ZNRF4: variants seen among roughly 807,000 people sequenced by gnomAD.
ZNRF4 encodes the protein E3 ubiquitin-protein ligase ZNRF4.
For synonymous variants in ZNRF4, 291 were observed against 285.9 expected (o/e 1.02, Z -0.18); for missense variants, 569 against 609.4 (o/e 0.93, Z 0.70).
Position 5,456,821 on chromosome 19 carries a change from C to A in ZNRF4, c.*40C>A. 1 of 1,488,178 alleles carries A rather than the reference C, an allele frequency of 6.7e-7. No homozygotes were observed. 92.2% of individuals were successfully genotyped at this position (1,488,178 alleles called of 1,614,324 possible). A position where few individuals can be genotyped will look rare whatever the true frequency, so the allele number is the denominator to read the frequency against. On this transcript the variant is annotated 3_prime_UTR_variant, in exon 1 of 1. Transcript: ENST00000222033. ...GAGGGGGGTGCAATGAGGAATGTTTCTGGTCTGAAAAGAATAAAGTGGGTT... is the reference window on the plus strand; with the variant it reads ...GAGGGGGGTGCAATGAGGAATGTTTATGGTCTGAAAAGAATAAAGTGGGTT...
In ZNRF4 at chr19:5,456,023, G is replaced by T. The variant is rs536172219; in HGVS notation, c.532G>T (p.Ala178Ser). ...CCTCAAGGTGCTGAACGCCCAGCGC[G>T]CCGGCTTCGAGGCGGCCATCGTGCA... is the stretch of plus-strand genomic sequence containing the variant. Reference protein sequence around the residue: ...FDLKVLNAQRAGFEAAIVHNV... With the variant: ...FDLKVLNAQRSGFEAAIVHNV... Residue 178 changes from alanine (A) to serine (S), a missense_variant, in exon 1 of 1, where the codon GCC becomes TCC. Coordinates refer to ENST00000222033, the MANE Select transcript of ZNRF4 (RefSeq NM_181710.4). 6.2e-7 allele frequency: 1 copy of T among 1,601,474 alleles called. No homozygotes were observed. Among genetic ancestry groups the T allele is most frequent in the Non-Finnish European group, 8.5e-7 (1 of 1,179,798 alleles).
At position 5,455,882 on chromosome 19, in the gene ZNRF4, G is replaced by A. The variant is rs1189817768; in HGVS notation, c.391G>A (p.Gly131Ser). 1.9e-6 allele frequency: 3 copies of A among 1,603,280 alleles called. No individual in the cohort carries two copies. Among genetic ancestry groups the A allele is most frequent in the Middle Eastern group, 1.7e-4 (1 of 6,060 alleles). ...GVPLAPEGIR[G>S]YLMEVKPANA... ...CCCCCTGGCCCCCGAGGGCATACGG[G>A]GCTACCTGATGGAGGTCAAGCCAGC... The change falls in exon 1 of 1, where the codon GGC becomes AGC. Residue 131 changes from glycine (G) to serine (S), a missense_variant. Physicochemically the swap from Gly to Ser is moderately conservative, Grantham distance 56. Transcript: ENST00000222033.
At position 5,455,814 on chromosome 19, in the gene ZNRF4, C is replaced by G; in HGVS notation, c.323C>G (p.Ser108Trp). ...AVVRAVLEDN[S>W]SSVDFADLPA... ...GTACGGGCCGTGCTGGAAGACAACT[C>G]GAGCTCGGTGGACTTTGCGGATCTG... The change falls in exon 1 of 1, where the codon TCG (serine) becomes TGG (tryptophan). Residue 108 changes from serine (S) to tryptophan (W), a missense_variant. Transcript: ENST00000222033. 6.2e-7 allele frequency: 1 copy of G among 1,604,208 alleles called. No individual in the cohort carries two copies. Among genetic ancestry groups the G allele is most frequent in the Non-Finnish European group, 8.5e-7 (1 of 1,179,864 alleles).
In ZNRF4 at chr19:5,456,333, C is replaced by A; in HGVS notation, c.842C>A (p.Ala281Asp). 6.2e-7 allele frequency: 1 copy of A among 1,613,758 alleles called. No individual in the cohort carries two copies. The highest frequency in any genetic ancestry group is 8.5e-7 in the Non-Finnish European group (1 of 1,180,038). ...AACCACCTGTGGCTCTGGGCCCAGG[C>A]CTGCTGCAGCCACAGACGGCCGGTG... ...VLNHLWLWAQ[A>D]CCSHRRPVKT... is the part of the protein sequence containing the mutation. The change falls in exon 1 of 1, where the codon GCC (alanine) becomes GAC (aspartate). Residue 281 changes from alanine (A) to aspartate (D), a missense_variant. Coordinates refer to ENST00000222033, the MANE Select transcript of ZNRF4 (RefSeq NM_181710.4).
Position 5,456,258 on chromosome 19 carries a change from G to A in ZNRF4, c.767G>A (p.Trp256Ter). The change falls in exon 1 of 1, where the codon TGG becomes TAG. Residue 256 changes from tryptophan (W) to a stop codon, truncating the protein, a stop_gained. Coordinates refer to ENST00000222033, the MANE Select transcript of ZNRF4 (RefSeq NM_181710.4). LOFTEE classifies it low-confidence loss of function (END_TRUNC). ...TGTCACCCCGTGCTGACCGTGTCCT[G>A]GGTGCTGGGCTGTACCCTGGCCCTG... ...LGCHPVLTVSWVLGCTLALVV... is the reference protein window; with the variant it reads ...LGCHPVLTVS The A allele has an allele frequency of 1.2e-6, 2 of 1,613,296 alleles. No individual in the cohort carries two copies. Among genetic ancestry groups the A allele is most frequent in the Non-Finnish European group, 1.7e-6 (2 of 1,180,022 alleles).
chr19:5,455,528 G>A lies in ZNRF4; in HGVS notation c.37G>A (p.Ala13Thr), dbSNP rs1236629845. 6.2e-7 allele frequency: 1 copy of A among 1,612,494 alleles called. No homozygotes were observed. The highest frequency in any genetic ancestry group is 1.7e-5 in the Admixed American group (1 of 59,992). Reference protein sequence around the residue: ...LCRPEHLMPRASRVPVAASLP... With the variant: ...LCRPEHLMPRTSRVPVAASLP... Reference sequence around the variant, plus strand: ...CCGTCCGGAGCACTTAATGCCTAGAGCCAGCAGGGTCCCAGTGGCCGCGTC... The same window carrying A: ...CCGTCCGGAGCACTTAATGCCTAGAACCAGCAGGGTCCCAGTGGCCGCGTC... The change falls in exon 1 of 1, where the codon GCC (alanine) becomes ACC (threonine). Residue 13 changes from alanine (A) to threonine (T), a missense_variant. Coordinates refer to ENST00000222033, the MANE Select transcript of ZNRF4 (RefSeq NM_181710.4).
rs201585031 is a variant in ZNRF4, at chr19:5,456,037, G to A, written c.546G>A (p.Ala182=). 434 of 1,602,372 alleles carry A rather than the reference G, an allele frequency of 2.7e-4. 2 individuals carry two copies. In the African/African-American group the frequency reaches 4.5e-3, roughly 17 times the overall value. The change falls in exon 1 of 1, where the codon GCG becomes GCA. Residue 182 remains alanine (A), a synonymous_variant. Transcript: ENST00000222033. ...ACGCCCAGCGCGCCGGCTTCGAGGC[G>A]GCCATCGTGCACAACGTCCACTCCG... ...VLNAQRAGFE[A]AIVHNVHSDD...
At position 5,456,538 on chromosome 19, in the gene ZNRF4, C is replaced by T. The variant is rs190663753; in HGVS notation, c.1047C>T (p.Pro349=). Residue 349 remains proline, a synonymous_variant, in exon 1 of 1, where the codon CCC becomes CCT. Coordinates refer to ENST00000222033, the MANE Select transcript of ZNRF4 (RefSeq NM_181710.4). ...CCCAAGCCCCCCGGCGCTCCTGCCC[C>T]GTGTGCAAACAGTCGGTGGCCGCCA... ...WFSQAPRRSC[P]VCKQSVAATE... 53 of 1,614,152 alleles carry T rather than the reference C, an allele frequency of 3.3e-5. No individual in the cohort carries two copies. In the African/African-American group the frequency reaches 4.9e-4, roughly 15 times the overall value.
chr19:5,455,821 G>A lies in ZNRF4; in HGVS notation c.330G>A (p.Ser110=), dbSNP rs373513411. 4.9e-5 allele frequency: 79 copies of A among 1,604,228 alleles called. No individual in the cohort carries two copies. The highest frequency in any genetic ancestry group is 8.3e-5 in the Admixed American group (5 of 60,022). Residue 110 remains serine, a synonymous_variant, in exon 1 of 1, where the codon TCG becomes TCA. Coordinates refer to ENST00000222033, the MANE Select transcript of ZNRF4 (RefSeq NM_181710.4). Reference sequence around the variant, plus strand: ...CCGTGCTGGAAGACAACTCGAGCTCGGTGGACTTTGCGGATCTGCCGGCGC... The same window carrying A: ...CCGTGCTGGAAGACAACTCGAGCTCAGTGGACTTTGCGGATCTGCCGGCGC... The part of the protein sequence containing the change: ...VRAVLEDNSS[S]VDFADLPALF...
rs751789942 is a variant in ZNRF4, at chr19:5,456,699, C to T, written c.1208C>T (p.Pro403Leu). 1.9e-6 allele frequency: 3 copies of T among 1,612,202 alleles called. No individual in the cohort carries two copies. The highest frequency in any genetic ancestry group is 1.3e-5 in the African/African-American group (1 of 74,914). The change falls in exon 1 of 1, where the codon CCC (proline) becomes CTC (leucine). Residue 403 changes from proline to leucine, a missense_variant. Transcript: ENST00000222033. ...RRLELLGRAS[P>L]HCHCSTTSLE... ...CTGGAGCTGCTGGGCCGCGCCAGTC[C>T]CCACTGCCACTGCAGCACCACGTCC...
Position 5,455,652 on chromosome 19 carries a change from T to C in ZNRF4, c.161T>C (p.Leu54Pro). 1 of 1,610,492 alleles carries C rather than the reference T, an allele frequency of 6.2e-7. No individual in the cohort carries two copies. The highest frequency in any genetic ancestry group is 2.2e-5 in the East Asian group (1 of 44,874). The change falls in exon 1 of 1, where the codon CTG becomes CCG. Residue 54 changes from leucine to proline, a missense_variant. By Grantham distance (98) the Leu-to-Pro change is moderately conservative. Coordinates refer to ENST00000222033, the MANE Select transcript of ZNRF4 (RefSeq NM_181710.4). ...RPRRCPKASC[L>P]PPPVGPSSTQ... Reference sequence around the variant, plus strand: ...CGGAGATGCCCAAAGGCCTCATGCCTGCCGCCTCCAGTGGGACCTAGCAGC... The same window carrying C: ...CGGAGATGCCCAAAGGCCTCATGCCCGCCGCCTCCAGTGGGACCTAGCAGC...
In ZNRF4 at chr19:5,456,854, G is replaced by A. The variant is rs557886993; in HGVS notation, c.*73G>A. On this transcript the variant is annotated 3_prime_UTR_variant, in exon 1 of 1. Coordinates refer to ENST00000222033, the MANE Select transcript of ZNRF4 (RefSeq NM_181710.4). ...AAAAGAATAAAGTGGGTTTGAAAGC[G>A]GATTCTCAGCCTCGCTGCTGTTGGG... is the stretch of plus-strand genomic sequence containing the variant. 135 of 1,413,626 alleles carry A rather than the reference G, an allele frequency of 9.5e-5. No homozygotes were observed. Among genetic ancestry groups the A allele is most frequent in the Non-Finnish European group, 1.2e-4 (130 of 1,067,228 alleles). The allele number at this position is 1,413,626 out of a possible 1,614,324, so 87.6% of individuals were successfully genotyped here. A position where few individuals can be genotyped will look rare whatever the true frequency, so the allele number is the denominator to read the frequency against.
In ZNRF4 at chr19:5,455,426, A is replaced by G; in HGVS notation, c.-66A>G. 2 of 1,491,284 alleles carry G rather than the reference A, an allele frequency of 1.3e-6. No individual in the cohort carries two copies. Among genetic ancestry groups the G allele is most frequent in the Non-Finnish European group, 1.8e-6 (2 of 1,109,144 alleles). The allele number at this position is 1,491,284 out of a possible 1,614,324, so 92.4% of individuals were successfully genotyped here. Reference sequence around the variant, plus strand: ...AGAACCCTGGTGACTCCTGGTCTCCATGTCATCTGCCAGAAAGGCCACCTG... The same window carrying G: ...AGAACCCTGGTGACTCCTGGTCTCCGTGTCATCTGCCAGAAAGGCCACCTG... On this transcript the variant is annotated 5_prime_UTR_variant, in exon 1 of 1. An upstream start codon of the reference 5' UTR is lost. Transcript: ENST00000222033.
rs370055200 is a variant in ZNRF4, at chr19:5,455,820, C to T, written c.329C>T (p.Ser110Leu). ...VRAVLEDNSS[S>L]VDFADLPALF... ...GCCGTGCTGGAAGACAACTCGAGCT[C>T]GGTGGACTTTGCGGATCTGCCGGCG... is the stretch of plus-strand genomic sequence containing the variant. Residue 110 changes from serine (S) to leucine (L), a missense_variant, in exon 1 of 1, where the codon TCG (serine) becomes TTG (leucine). By Grantham distance (145) the Ser-to-Leu change is moderately radical. Coordinates refer to ENST00000222033, the MANE Select transcript of ZNRF4 (RefSeq NM_181710.4). The T allele has an allele frequency of 5.3e-5, 85 of 1,604,218 alleles. No homozygotes were observed. In the African/African-American group the frequency reaches 7.2e-4, roughly 14 times the overall value.
rs760979484 is a variant in ZNRF4 at position 5,456,615 on chromosome 19, C to A, written c.1124C>A (p.Ser375Tyr). The A allele has an allele frequency of 6.2e-7, 1 of 1,613,322 alleles. No homozygotes were observed. Among genetic ancestry groups the A allele is most frequent in the Non-Finnish European group, 8.5e-7 (1 of 1,179,368 alleles). Residue 375 changes from serine (S) to tyrosine (Y), a missense_variant, in exon 1 of 1, where the codon TCC becomes TAC. Transcript: ENST00000222033. ...TACAGCTTCAGGGACGAGGACCCCT[C>A]CCTACCGGGCCACCGGCCCCCCATC... ...TTYSFRDEDP[S>Y]LPGHRPPIWA...
rs773639519 is a variant in ZNRF4, at chr19:5,456,788, A to G, written c.*7A>G. 7.2e-6 allele frequency: 11 copies of G among 1,525,640 alleles called. No individual in the cohort carries two copies. Among genetic ancestry groups the G allele is most frequent in the East Asian group, 6.9e-5 (3 of 43,734 alleles). 94.5% of individuals were successfully genotyped at this position (1,525,640 alleles called of 1,614,324 possible). ...TGAGGCCCCTGGTCAGTAAAGATCT[A>G]GGGCAGGGAGGGGGGTGCAATGAGG... On this transcript the variant is annotated 3_prime_UTR_variant, in exon 1 of 1. Transcript: ENST00000222033.
Position 5,456,333 on chromosome 19 carries a change from C to G in ZNRF4, c.842C>G (p.Ala281Gly). ...AACCACCTGTGGCTCTGGGCCCAGG[C>G]CTGCTGCAGCCACAGACGGCCGGTG... Reference protein sequence around the residue: ...VLNHLWLWAQACCSHRRPVKT... With the variant: ...VLNHLWLWAQGCCSHRRPVKT... Residue 281 changes from alanine (A) to glycine (G), a missense_variant, in exon 1 of 1, where the codon GCC (alanine) becomes GGC (glycine). Physicochemically the swap from Ala to Gly is moderately conservative, Grantham distance 60. Coordinates refer to ENST00000222033, the MANE Select transcript of ZNRF4 (RefSeq NM_181710.4). The G allele has an allele frequency of 6.2e-7, 1 of 1,613,758 alleles. No individual in the cohort carries two copies.
In ZNRF4 at chr19:5,456,363, C is replaced by T. The variant is rs774500261; in HGVS notation, c.872C>T (p.Thr291Met). The T allele has an allele frequency of 6.2e-6, 10 of 1,613,342 alleles. No individual in the cohort carries two copies. The highest frequency in any genetic ancestry group is 4.4e-5 in the South Asian group (4 of 91,094). ...ACCSHRRPVK[T>M]STCQKAQVRT... ...TGCAGCCACAGACGGCCGGTGAAGA[C>T]GTCTACCTGCCAGAAGGCCCAGGTC... The change falls in exon 1 of 1, where the codon ACG becomes ATG. Residue 291 changes from threonine (T) to methionine (M), a missense_variant. Thr to Met is a moderately conservative substitution (Grantham distance 81, BLOSUM62 -1). Transcript: ENST00000222033.
chr19:5,455,854 C>A lies in ZNRF4; in HGVS notation c.363C>A (p.Gly121=). 1 of 1,603,802 alleles carries A rather than the reference C, an allele frequency of 6.2e-7. No homozygotes were observed. The change falls in exon 1 of 1, where the codon GGC becomes GGA. Residue 121 remains glycine, a synonymous_variant. Coordinates refer to ENST00000222033, the MANE Select transcript of ZNRF4 (RefSeq NM_181710.4). ...TTGCGGATCTGCCGGCGCTGTTCGG[C>A]GTCCCCCTGGCCCCCGAGGGCATAC... ...VDFADLPALF[G]VPLAPEGIRG...
Sources: gnomAD v4.1 joint callset for allele counts on GRCh38, gnomAD v4.1.1 for gene constraint, MANE v1.5 for transcripts, NCBI Gene and HGNC (gene_info 2026-07-23, HGNC 2026-07-21) for gene names.